Variants in TNFRSF10B observed in about 807,000 individuals in gnomAD.
TNFRSF10B encodes tumor necrosis factor receptor superfamily member 10B.
A neutral mutation model predicts 41.4 loss-of-function variants in TNFRSF10B; 35 were observed. The ratio of observed to expected loss-of-function variants is 0.85; its 90% CI spans 0.65 to 1.12. TNFRSF10B has a LOEUF of 1.12. TNFRSF10B is among the 50% of genes most tolerant of loss of function. The pLI is 0.00. For synonymous variants in TNFRSF10B, 230 were observed against 215.5 expected (o/e 1.07, Z -0.59); for missense variants, 584 against 552.7 (o/e 1.06, Z -0.57).
chr8:23,050,521 TTC>T (rs932654765), intron 1 of TNFRSF10B, among the ~76,000 whole-genome samples: 27 of 152,206 alleles, frequency 1.8e-4, no homozygotes, highest in African/African-American at 5.5e-4. Flanking sequence ...TTGGTTTTAT[TTC>T]TCTCTCTCCT....
At chr8:23,034,020 G>A (rs1437687589) in intron 2 of TNFRSF10B, among the ~76,000 whole-genome samples, 2 of 152,086 alleles carry the variant, frequency 1.3e-5, no homozygotes, top group Admixed American at 6.5e-5. Flanking sequence ...CAGTATTATG[G>A]TACATTTGGT....
At chr8:23,027,996 A>C (rs1465950205) in intron 5 of TNFRSF10B, 3 of 609,570 alleles carry the variant, frequency 4.9e-6, no homozygotes, top group Non-Finnish European at 8.6e-6. Flanking sequence ...GGCTGAAAAA[A>C]TCCCACGACC....
At chr8:23,059,792 A>G (rs13275605) in intron 1 of TNFRSF10B, among the ~76,000 whole-genome samples, 108,885 of 152,134 alleles carry the variant, frequency 0.72, 39,367 homozygotes, top group East Asian at 0.9. Context: ...GATTACAGGC[A>G]TGAGCCACCG....
chr8:23,053,560 A>G (rs12677679), intron 1 of TNFRSF10B, among the ~76,000 whole-genome samples: 34,684 of 152,160 alleles, frequency 0.23, 4,200 homozygotes, highest in Non-Finnish European at 0.25. Flanking sequence ...ATTGGCTAAA[A>G]TTAAAGGGAT....
At chr8:23,026,315 GA>G (rs1361720139) in intron 7 of TNFRSF10B, among the ~76,000 whole-genome samples, 2 of 151,598 alleles carry the variant, frequency 1.3e-5, no homozygotes, top group East Asian at 1.9e-4. Context: ...GAGGAAGAGA[GA>G]AAAAAGTAAA....
chr8:23,029,780 C>T, intron 3 of TNFRSF10B, 59 bp from the exon 4 acceptor site: 1 of 1,515,752 alleles, frequency 6.6e-7, no homozygotes, highest in South Asian at 1.2e-5. Flanking sequence ...CTTGACCCTT[C>T]CTCCCCACCC....
At position 23,027,426 on chromosome 8, in the gene TNFRSF10B, G is replaced by T; in HGVS notation, c.781-138C>A. 9.2e-7 allele frequency: 1 copy of T among 1,089,886 alleles called. No individual in the cohort carries two copies. Among genetic ancestry groups the T allele is most frequent in the Non-Finnish European group, 1.4e-6 (1 of 738,238 alleles). 67.5% of individuals were successfully genotyped at this position (1,089,886 alleles called of 1,614,324 possible). A position where few individuals can be genotyped will look rare whatever the true frequency, so the allele number is the denominator to read the frequency against. On this transcript the variant is annotated intron_variant, in intron 6 of 8. Coordinates refer to ENST00000276431, the MANE Select transcript of TNFRSF10B (RefSeq NM_003842.5). ...GGTCACCGCAGGCAGCCCAGACTCAGCACATCCAGGACCCGCTGCTGGGGC... is the reference window on the plus strand; with the variant it reads ...GGTCACCGCAGGCAGCCCAGACTCATCACATCCAGGACCCGCTGCTGGGGC...
intron 7 of TNFRSF10B, among the ~76,000 whole-genome samples, chr8:23,026,818 T>G (rs1171312500): frequency 6.6e-6 from 1 of 152,242 alleles, no homozygotes; most frequent in Admixed American, 6.5e-5. Flanking sequence ...GCTCACTGAC[T>G]TCTGTTAGGA....
At chr8:23,056,544 A>G (rs35744432) in intron 1 of TNFRSF10B, among the ~76,000 whole-genome samples, 36,594 of 151,466 alleles carry the variant, frequency 0.24, 4,709 homozygotes, top group Non-Finnish European at 0.28. Context: ...CCAGCTACTC[A>G]GGAGGCTGAG....
chr8:23,065,432 A>G (rs532810332), intron 1 of TNFRSF10B, among the ~76,000 whole-genome samples: 1 of 152,324 alleles, frequency 6.6e-6, no homozygotes, highest in Non-Finnish European at 1.5e-5. Context: ...TCCTTGCAGA[A>G]GACATGTCCA....
intron 1 of TNFRSF10B, among the ~76,000 whole-genome samples, chr8:23,047,295 T>A (rs1812392139): frequency 6.7e-6 from 1 of 149,570 alleles, no homozygotes; most frequent in South Asian, 2.1e-4. Context: ...AGGTGGAGGT[T>A]GCCGTGAGTC....
chr8:23,027,079 G>A (rs1811724104), intron 7 of TNFRSF10B, 54 bp downstream of exon 7: 17 of 1,612,186 alleles, frequency 1.1e-5, no homozygotes, highest in South Asian at 2.2e-5. Context: ...CACTGTCTAC[G>A]AAATCCCAGG....
In TNFRSF10B at chr8:23,021,517, A is replaced by G. The variant is rs1378113427; in HGVS notation, c.*1154T>C. 6 of 454,152 alleles carry G rather than the reference A, an allele frequency of 1.3e-5. No homozygotes were observed. Among genetic ancestry groups the G allele is most frequent in the Non-Finnish European group, 2.6e-5 (6 of 226,794 alleles). 28.1% of individuals were successfully genotyped at this position (454,152 alleles called of 1,614,324 possible). ...ATCTCCTGAGCCCAAACAGGGCTCAAGTTCACTTGGGATATGACATAGACC... is the reference window on the plus strand; with the variant it reads ...ATCTCCTGAGCCCAAACAGGGCTCAGGTTCACTTGGGATATGACATAGACC... On this transcript the variant is annotated 3_prime_UTR_variant, in exon 9 of 9. Coordinates refer to ENST00000276431, the MANE Select transcript of TNFRSF10B (RefSeq NM_003842.5).
intron 1 of TNFRSF10B, among the ~76,000 whole-genome samples, chr8:23,064,806 G>A (rs1368639755): frequency 4.6e-5 from 7 of 152,222 alleles, no homozygotes; most frequent in African/African-American, 1.4e-4. Context: ...TTCCTGCATA[G>A]GTTGTTGTGT....
chr8:23,048,634 T>A (rs183020337), intron 1 of TNFRSF10B, among the ~76,000 whole-genome samples: 1 of 152,312 alleles, frequency 6.6e-6, no homozygotes, highest in Non-Finnish European at 1.5e-5. Flanking sequence ...ATTTCAAAAT[T>A]GCTAAAAGAA....
intron 3 of TNFRSF10B, 146 bp from the exon 4 acceptor site, chr8:23,029,867 C>A: frequency 2.7e-6 from 2 of 746,844 alleles, no homozygotes; most frequent in South Asian, 3.0e-5. Flanking sequence ...ACACTCATGG[C>A]TCATTCAGGA....
In TNFRSF10B at chr8:23,028,501, G is replaced by T. The variant is rs1563307636; in HGVS notation, c.578C>A (p.Ala193Asp). 1 of 1,614,138 alleles carries T rather than the reference G, an allele frequency of 6.2e-7. No homozygotes were observed. Among genetic ancestry groups the T allele is most frequent in the Admixed American group, 1.7e-5 (1 of 60,018 alleles). ...SGTKHSGEVP[A>D]VEETVTSSPG... ...GCTGGAGGTCACCGTCTCCTCCACA[G>T]CTGGGACTTCCCCACTGTGCTTTGT... Residue 193 changes from alanine (A) to aspartate (D), a missense_variant, in exon 5 of 9, where the codon GCT becomes GAT. By Grantham distance (126) the Ala-to-Asp change is moderately radical. Coordinates refer to ENST00000276431, the MANE Select transcript of TNFRSF10B (RefSeq NM_003842.5).
chr8:23,055,197 C>T (rs980173283), intron 1 of TNFRSF10B, among the ~76,000 whole-genome samples: 1 of 151,912 alleles, frequency 6.6e-6, no homozygotes, highest in Non-Finnish European at 1.5e-5. Flanking sequence ...TTCTTAAAGC[C>T]CTGTGAACTG....
At chr8:23,068,504 T>G in intron 1 of TNFRSF10B, 1 of 577,406 alleles carries the variant, frequency 1.7e-6, no homozygotes. Context: ...CTTGTCGCCC[T>G]CCCCCACTGG....
Sources: gnomAD v4.1 joint callset for allele counts (sites outside exome capture counted in the v4.1 genomes callset) on GRCh38, gnomAD v4.1.1 for gene constraint, MANE v1.5 for transcripts, NCBI Gene and HGNC (gene_info 2026-07-23, HGNC 2026-07-21) for gene names.